Variants in NIBAN2 observed in about 807,000 individuals in gnomAD.
NIBAN2 encodes the protein niban apoptosis regulator 2, also known as protein Niban 2.
In NIBAN2, 36 loss-of-function variants were observed where a neutral mutation model predicts 81.8. The ratio of observed to expected loss-of-function variants is 0.44; its 90% CI spans 0.34 to 0.58. The LOEUF is 0.58. Ranked by LOEUF, NIBAN2 falls within the 20% of genes least tolerant of loss-of-function variation. The pLI is 0.02. For missense variants in NIBAN2, 897 were observed against 1,014.1 expected (o/e 0.88, Z 1.57); for synonymous variants, 445 against 441.6 (o/e 1.01, Z -0.10).
chr9:127,520,686 C>T (rs1487024909), intron 5 of NIBAN2, among the ~76,000 whole-genome samples: 2 of 152,064 alleles, frequency 1.3e-5, no homozygotes, highest in Admixed American at 6.5e-5. Context: ...GAGGCCGAGG[C>T]GGCAGAATCA....
At chr9:127,510,078 C>G (rs901458469) in intron 9 of NIBAN2, 68 bp downstream of exon 9, 3 of 1,447,266 alleles carry the variant, frequency 2.1e-6, no homozygotes, top group African/African-American at 1.4e-5. Context: ...GTCACGCAGC[C>G]GGGGCCCTCT....
At chr9:127,530,673 G>A (rs1837162031) in intron 2 of NIBAN2, among the ~76,000 whole-genome samples, 1 of 152,214 alleles carries the variant, frequency 6.6e-6, no homozygotes, top group Non-Finnish European at 1.5e-5. Flanking sequence ...TGCCTTCCCT[G>A]CTTCAGGCAC....
rs188873323 is a variant in NIBAN2, at chr9:127,551,816, G to A, written c.55+17004C>T. On this transcript the variant is annotated intron_variant, in intron 1 of 13. Coordinates refer to ENST00000373312, the MANE Select transcript of NIBAN2 (RefSeq NM_022833.4). ...GGCAAGAACCACAGCACCGATCTCT[G>A]GGAAGTTTTGGTTCCCTCAATGCCC... Among the ~76,000 whole-genome samples the A allele has an allele frequency of 1.8e-3, 275 of 152,288 alleles. 1 individual carries two copies. Among genetic ancestry groups the A allele is most frequent in the Admixed American group, 4.2e-3 (64 of 15,304 alleles).
At chr9:127,569,152 G>T, upstream of NIBAN2, 1 of 698,724 alleles carries the variant, frequency 1.4e-6, no homozygotes, top group Non-Finnish European at 1.6e-6. Context: ...GGCCAACCCC[G>T]CCCCCTCCCC....
intron 1 of NIBAN2, among the ~76,000 whole-genome samples, chr9:127,548,730 C>T (rs539850492): frequency 1.5e-4 from 23 of 152,146 alleles, no homozygotes; most frequent in South Asian, 6.2e-4. Context: ...GAAGCTGTGA[C>T]GGGCTAAGTA....
At chr9:127,578,342 G>C (rs1838033160) in intron 1 of NIBAN2, among the ~76,000 whole-genome samples, 1 of 125,498 alleles carries the variant, frequency 8.0e-6, no homozygotes, top group African/African-American at 3.1e-5. Context: ...GCAACAGAGT[G>C]AGACTTGGTC....
chr9:127,508,571 CA>C lies in NIBAN2; in HGVS notation c.1318-34del. 3 of 1,565,702 alleles carry C rather than the reference CA, an allele frequency of 1.9e-6. No homozygotes were observed. Among genetic ancestry groups the C allele is most frequent in the Non-Finnish European group, 2.6e-6 (3 of 1,137,862 alleles). ...GCATACCGCGGACATGTGAAGCCCC[CA>C]GGGTGACCACAGCCCCTTCCTGGGT... On this transcript the variant is annotated intron_variant, in intron 10 of 13. Coordinates refer to ENST00000373312, the MANE Select transcript of NIBAN2 (RefSeq NM_022833.4). The surrounding 1 kb of genome is among the most constrained non-coding windows in gnomAD (Gnocchi z 6.4).
intron 2 of NIBAN2, among the ~76,000 whole-genome samples, chr9:127,530,463 C>A (rs1163822776): frequency 6.6e-6 from 1 of 151,958 alleles, no homozygotes; most frequent in Non-Finnish European, 1.5e-5. Flanking sequence ...GTGGGAGGAT[C>A]TCTTGAGTCC....
intron 1 of NIBAN2, among the ~76,000 whole-genome samples, chr9:127,552,697 T>C (rs941479793): frequency 7.0e-6 from 1 of 142,912 alleles, no homozygotes; most frequent in African/African-American, 2.6e-5. Flanking sequence ...TTTTTTTTTT[T>C]TTTTTTTTTG....
Position 127,531,708 on chromosome 9 carries a change from G to C in NIBAN2, c.126C>G (p.Asn42Lys). 6 of 1,614,180 alleles carry C rather than the reference G, an allele frequency of 3.7e-6. No homozygotes were observed. Among genetic ancestry groups the C allele is most frequent in the Non-Finnish European group, 5.1e-6 (6 of 1,180,040 alleles). ...YEDQYGVALF[N>K]SMRHEIEGTG... ...TGCCCTCAATCTCATGGCGCATGCTGTTGAAGAGAGCCACGCCATACTGGT... is the reference window on the plus strand; with the variant it reads ...TGCCCTCAATCTCATGGCGCATGCTCTTGAAGAGAGCCACGCCATACTGGT... Residue 42 changes from asparagine to lysine, a missense_variant, in exon 2 of 14, where the codon AAC becomes AAG. By Grantham distance (94) the Asn-to-Lys change is moderately conservative. Around this residue, in one of 3 missense-constraint regions of NIBAN2, gnomAD observed 209 missense variants for 208.4 expected, o/e 1.00. Transcript: ENST00000373312.
At position 127,545,378 on chromosome 9, in the gene NIBAN2, C is replaced by T. The variant is rs1280036709; in HGVS notation, c.56-13600G>A. Among the ~76,000 whole-genome samples the T allele has an allele frequency of 1.3e-5, 2 of 152,196 alleles. No homozygotes were observed. The highest frequency in any genetic ancestry group is 2.9e-5 in the Non-Finnish European group (2 of 68,030). ...AGACGCTCCCCGGACTGAGACTGCT[C>T]TCCGCTGTCTCCCCAGCACCCAGCT... On this transcript the variant is annotated intron_variant, in intron 1 of 13. Coordinates refer to ENST00000373312, the MANE Select transcript of NIBAN2 (RefSeq NM_022833.4). The surrounding 1 kb of genome is among the most constrained non-coding windows in gnomAD (Gnocchi z 4.7).
chr9:127,531,786 A>G lies in NIBAN2; in HGVS notation c.56-8T>C. The G allele has an allele frequency of 1.2e-6, 2 of 1,614,128 alleles. No individual in the cohort carries two copies. The highest frequency in any genetic ancestry group is 1.1e-5 in the South Asian group (1 of 91,088). On this transcript the variant is annotated splice_polypyrimidine_tract_variant and splice_region_variant and intron_variant, in intron 1 of 13. Coordinates refer to ENST00000373312, the MANE Select transcript of NIBAN2 (RefSeq NM_022833.4). ...GGATCTTCCCGGTTTTTTCTGGAAG[A>G]GAAGGACAAGCAGGAGCTTGAGGTC...
rs1836590523 is a variant in NIBAN2, at chr9:127,506,165, G to A, written c.*680C>T. The A allele has an allele frequency of 6.5e-6, 1 of 152,710 alleles. No homozygotes were observed. Among genetic ancestry groups the A allele is most frequent in the Non-Finnish European group, 1.5e-5 (1 of 68,652 alleles). The allele number at this position is 152,710 out of a possible 1,614,324, so 9.5% of individuals were successfully genotyped here. The stretch of plus-strand genomic sequence containing the variant: ...ACTCACTCACTCCCAGCATCCCCCA[G>A]GATGGGGGTCCCCTCCTTCACTCAG... On this transcript the variant is annotated 3_prime_UTR_variant, in exon 14 of 14. Coordinates refer to ENST00000373312, the MANE Select transcript of NIBAN2 (RefSeq NM_022833.4).
Position 127,517,109 on chromosome 9 carries a change from C to T in NIBAN2, c.810+3G>A. On this transcript the variant is annotated splice_donor_region_variant and intron_variant, in intron 7 of 13. Transcript: ENST00000373312. This position sits in a 1 kb window ranked among gnomAD's most constrained non-coding sequence, Gnocchi z 4.0. ...CCCGCTCCAGGGCCCCAGGCCCACC[C>T]ACCTGGATCCACTGCCGCTGCCGCT... 2 of 1,613,276 alleles carry T rather than the reference C, an allele frequency of 1.2e-6. No individual in the cohort carries two copies. The highest frequency in any genetic ancestry group is 2.7e-5 in the African/African-American group (2 of 75,062).
At chr9:127,511,978 T>C (rs1836745160) in intron 8 of NIBAN2, among the ~76,000 whole-genome samples, 2 of 152,122 alleles carry the variant, frequency 1.3e-5, no homozygotes, top group Non-Finnish European at 2.9e-5. Flanking sequence ...AAAGGGAACC[T>C]CCGTACACTG....
At chr9:127,513,476 G>C (rs930864754) in intron 8 of NIBAN2, among the ~76,000 whole-genome samples, 6 of 152,112 alleles carry the variant, frequency 3.9e-5, no homozygotes, top group Non-Finnish European at 7.4e-5. Flanking sequence ...GAGATAGGTC[G>C]GCACAAGATA....
upstream of NIBAN2, among the ~76,000 whole-genome samples, chr9:127,571,436 G>A (rs1481841420): frequency 1.3e-5 from 2 of 152,128 alleles, no homozygotes; most frequent in African/African-American, 2.4e-5. Context: ...AATGGCTCAC[G>A]CCTGTAATCT....
intron 1 of NIBAN2, among the ~76,000 whole-genome samples, chr9:127,565,946 T>TCACACACACACA (rs10682812): frequency 6.4e-4 from 84 of 130,612 alleles, no homozygotes; most frequent in South Asian, 1.8e-3. Flanking sequence ...TCTCTCTCTC[T>TCACACACACACA]CACACACACA....
chr9:127,510,431 T>C, intron 8 of NIBAN2, 98 bp from the exon 9 acceptor site: 2 of 729,956 alleles, frequency 2.7e-6, no homozygotes, highest in South Asian at 3.8e-5. Context: ...TTACTATTAT[T>C]ATCATTATTA....
Sources: gnomAD v4.1 joint callset for allele counts (sites outside exome capture counted in the v4.1 genomes callset) on GRCh38, gnomAD v4.1.1 for gene constraint, gnomAD v4.1.1 regional missense constraint, Gnocchi (gnomAD v3.1) non-coding constraint, MANE v1.5 for transcripts, NCBI Gene and HGNC (gene_info 2026-07-23, HGNC 2026-07-21) for gene names.